CCSER2: variants seen among roughly 807,000 people sequenced by gnomAD.
CCSER2 encodes coiled-coil serine rich protein 2.
CCSER2 carries 46 observed loss-of-function variants against 92.3 expected under a neutral mutation model. The ratio of observed to expected loss-of-function variants is 0.50; its 90% CI spans 0.39 to 0.64. The LOEUF is 0.64. CCSER2 is among the 30% of genes least tolerant of loss of function. The pLI is 0.00. For synonymous variants in CCSER2, 433 were observed against 431.4 expected (o/e 1.00, Z -0.04); for missense variants, 1,244 against 1,238.9 (o/e 1.00, Z -0.06).
chr10:84,447,487 TAG>T (rs1350866875), intron 6 of CCSER2, among the ~76,000 whole-genome samples: 2 of 152,246 alleles, frequency 1.3e-5, no homozygotes, highest in Non-Finnish European at 2.9e-5. Context: ...TTCCATTGTG[TAG>T]AGTGTTTTTT....
At chr10:84,416,880 G>A (rs1214031504) in intron 3 of CCSER2, among the ~76,000 whole-genome samples, 1 of 152,136 alleles carries the variant, frequency 6.6e-6, no homozygotes, top group African/African-American at 2.4e-5. Context: ...GCAGTGAGCC[G>A]AGATCGCGCC....
intron 8 of CCSER2, among the ~76,000 whole-genome samples, chr10:84,474,136 A>G (rs528484180): frequency 8.2e-4 from 125 of 152,346 alleles, no homozygotes; most frequent in African/African-American, 2.8e-3. Context: ...ATAATAGTTC[A>G]GATACATTTC....
At chr10:84,429,834 A>ATG (rs1187442329) in intron 5 of CCSER2, among the ~76,000 whole-genome samples, 1 of 151,530 alleles carries the variant, frequency 6.6e-6, no homozygotes, top group Non-Finnish European at 1.5e-5. Context: ...AACTACGGGA[A>ATG]TGTATGAGCA....
At chr10:84,502,338 T>C (rs1313098862) in intron 9 of CCSER2, among the ~76,000 whole-genome samples, 1 of 151,248 alleles carries the variant, frequency 6.6e-6, no homozygotes, top group African/African-American at 2.4e-5. Context: ...TCCAGTATAA[T>C]GTTTCATTAA....
Position 84,372,271 on chromosome 10 carries a change from A to G in CCSER2, c.1219A>G (p.Lys407Glu). The G allele has an allele frequency of 6.2e-7, 1 of 1,613,174 alleles. No individual in the cohort carries two copies. The highest frequency in any genetic ancestry group is 8.5e-7 in the Non-Finnish European group (1 of 1,179,284). The change falls in exon 2 of 10, where the codon AAG (lysine) becomes GAG (glutamate). Residue 407 changes from lysine to glutamate, a missense_variant. By Grantham distance (56) the Lys-to-Glu change is moderately conservative. Transcript: ENST00000372088. ...ISLSSLSSSD[K>E]NDLSEDFSDD... ...CTTGTCGTCTTTGTCATCTTCTGAT[A>G]AGAATGATTTAAGTGAAGACTTTAG...
intron 9 of CCSER2, among the ~76,000 whole-genome samples, chr10:84,485,935 TTCC>T (rs1847781705): frequency 6.6e-6 from 1 of 152,182 alleles, no homozygotes; most frequent in Non-Finnish European, 1.5e-5. Flanking sequence ...GATGTTCCCC[TTCC>T]TGTGTCCAAG....
intron 3 of CCSER2, among the ~76,000 whole-genome samples, chr10:84,396,116 T>C (rs1245030382): frequency 6.6e-6 from 1 of 152,068 alleles, no homozygotes; most frequent in Admixed American, 6.6e-5. Context: ...CTTCTTATTT[T>C]TAAGCCTTTT....
intron 9 of CCSER2, among the ~76,000 whole-genome samples, chr10:84,489,194 C>G (rs1352238487): frequency 6.6e-6 from 1 of 152,170 alleles, no homozygotes; most frequent in Non-Finnish European, 1.5e-5. Flanking sequence ...TGATGTGGTG[C>G]TGAGAAGAAT....
intron 9 of CCSER2, among the ~76,000 whole-genome samples, chr10:84,481,251 C>A (rs1039548587): frequency 2.0e-5 from 3 of 152,142 alleles, no homozygotes; most frequent in Non-Finnish European, 4.4e-5. Flanking sequence ...TATGTTATGA[C>A]CATTCCTGTT....
At position 84,371,084 on chromosome 10, in the gene CCSER2, TGGG is replaced by T; in HGVS notation, c.33_35del (p.Leu11_Gly12delinsPhe). 6.3e-7 allele frequency: 1 copy of T among 1,597,150 alleles called. No individual in the cohort carries two copies. Among genetic ancestry groups the T allele is most frequent in the African/African-American group, 1.4e-5 (1 of 74,060 alleles). On this transcript the variant is annotated inframe_deletion, in exon 2 of 10. Coordinates refer to ENST00000372088, the MANE Select transcript of CCSER2 (RefSeq NM_001284240.2). ...GAAAAAACACAAATCAAGACATTTTTGGGTTCCAAGTTGCCAAAGTATGGAACA... is the reference window on the plus strand; with the variant it reads ...GAAAAAACACAAATCAAGACATTTTTTTCCAAGTTGCCAAAGTATGGAACA...
chr10:84,483,181 C>T (rs2488654), intron 9 of CCSER2, among the ~76,000 whole-genome samples: 129,887 of 152,030 alleles, frequency 0.85, 55,557 homozygotes, highest in East Asian at 0.9. Flanking sequence ...TCACCGGAGG[C>T]TGGGAGTTTG....
chr10:84,487,283 A>G (rs571113562), intron 9 of CCSER2, among the ~76,000 whole-genome samples: 1 of 152,348 alleles, frequency 6.6e-6, no homozygotes, highest in Non-Finnish European at 1.5e-5. Context: ...CTGTGAAGAA[A>G]GTAATTGGTA....
intron 1 of CCSER2, among the ~76,000 whole-genome samples, chr10:84,339,378 G>T (rs1443715531): frequency 6.6e-6 from 1 of 151,584 alleles, no homozygotes; most frequent in East Asian, 1.9e-4. Flanking sequence ...TTTTTTATTA[G>T]CATACAGATA....
At position 84,415,715 on chromosome 10, in the gene CCSER2, T is replaced by C. The variant is rs550905691; in HGVS notation, c.1615-2056T>C. On this transcript the variant is annotated intron_variant, in intron 3 of 9. Transcript: ENST00000372088. ...GTGCTGCGTTGTGGGGGACACTTTC[T>C]TGTTCGGACTGTCTGGACTCTCCTG... 4.5e-4 allele frequency among the ~76,000 whole-genome samples: 68 copies of C among 152,332 alleles called. No homozygotes were observed. The South Asian group carries it at 0.011, about 26-fold the overall frequency.
chr10:84,348,674 G>A (rs1391282545), intron 1 of CCSER2, among the ~76,000 whole-genome samples: 1 of 152,118 alleles, frequency 6.6e-6, no homozygotes, highest in African/African-American at 2.4e-5. Flanking sequence ...TATGAGGTGA[G>A]TTTAAAGGAA....
At chr10:84,341,433 C>G (rs1207427847) in intron 1 of CCSER2, among the ~76,000 whole-genome samples, 1 of 145,038 alleles carries the variant, frequency 6.9e-6, no homozygotes, top group Non-Finnish European at 1.5e-5. Context: ...GATCCTTCTG[C>G]TTCGACCTCT....
At chr10:84,482,881 GA>G (rs1385580851) in intron 9 of CCSER2, among the ~76,000 whole-genome samples, 1 of 152,058 alleles carries the variant, frequency 6.6e-6, no homozygotes, top group Non-Finnish European at 1.5e-5. Flanking sequence ...TTAAAATTCT[GA>G]ATGGGCACAA....
chr10:84,340,343 A>G (rs1353490906), intron 1 of CCSER2, among the ~76,000 whole-genome samples: 2 of 152,144 alleles, frequency 1.3e-5, no homozygotes, highest in African/African-American at 2.4e-5. Context: ...TCTTGCCCCC[A>G]CTTATAGACA....
chr10:84,445,944 C>T (rs1027653862), intron 6 of CCSER2, among the ~76,000 whole-genome samples: 2 of 152,044 alleles, frequency 1.3e-5, no homozygotes, highest in Non-Finnish European at 2.9e-5. Context: ...CATATGTATG[C>T]ATTTTTATTG....
Sources: gnomAD v4.1 joint callset for allele counts (sites outside exome capture counted in the v4.1 genomes callset) on GRCh38, gnomAD v4.1.1 for gene constraint, MANE v1.5 for transcripts, NCBI Gene and HGNC (gene_info 2026-07-23, HGNC 2026-07-21) for gene names.